The following ANXA10 variants were observed in gnomAD, a reference collection of about 807,000 sequenced individuals.
The protein encoded by ANXA10 is annexin 14.
A neutral mutation model predicts 53.5 loss-of-function variants in ANXA10; 49 were observed. The ratio of observed to expected loss-of-function variants is 0.92; its 90% CI spans 0.73 to 1.16. The LOEUF is 1.16. ANXA10 is among the 50% of genes most tolerant of loss of function. The pLI is 0.00. For synonymous variants in ANXA10, 131 were observed against 128.9 expected, an observed-to-expected ratio of 1.02 and a Z score of -0.11; for missense variants, 393 against 394.4, an observed-to-expected ratio of 1.00 and a Z score of 0.03.
chr4:168,172,599 T>C (rs1732034814), intron 6 of ANXA10, among the ~76,000 whole-genome samples: 1 of 152,182 alleles, frequency 6.6e-6, no homozygotes, highest in African/African-American at 2.4e-5. Context: ...ATTATTGGTG[T>C]ACAGAAGAGA....
chr4:168,139,120 G>C (rs954501417), intron 2 of ANXA10, among the ~76,000 whole-genome samples: 1 of 152,078 alleles, frequency 6.6e-6, no homozygotes, highest in Non-Finnish European at 1.5e-5. Context: ...TCCAGCTAGG[G>C]CTCCTAGTAC....
At chr4:168,109,163 TCTG>T (rs1006391284) in intron 1 of ANXA10, among the ~76,000 whole-genome samples, 1 of 152,208 alleles carries the variant, frequency 6.6e-6, no homozygotes, top group Admixed American at 6.5e-5. Flanking sequence ...ACATTTTTTT[TCTG>T]CTATGTACCC....
Position 168,119,353 on chromosome 4 carries a change from C to A in ANXA10, c.19-8731C>A, listed in dbSNP as rs117668995. ...GGCTGTGATAGGAAACTAGGAATTACCAAAATGATTGCAGATGTCCTTGAC... is the reference window on the plus strand; with the variant it reads ...GGCTGTGATAGGAAACTAGGAATTAACAAAATGATTGCAGATGTCCTTGAC... On this transcript the variant is annotated intron_variant, in intron 1 of 11. Coordinates refer to ENST00000359299, the MANE Select transcript of ANXA10 (RefSeq NM_007193.5). 1.3e-3 allele frequency among the ~76,000 whole-genome samples: 200 copies of A among 152,252 alleles called. 6 individuals are homozygous for A. In the East Asian group the frequency reaches 0.029, roughly 22 times the overall value.
intron 3 of ANXA10, among the ~76,000 whole-genome samples, chr4:168,156,262 GTATA>G (rs1436628202): frequency 6.3e-5 from 1 of 15,984 alleles, no homozygotes; most frequent in Non-Finnish European, 1.2e-4. Context: ...TATATATAAT[GTATA>G]TATTATATAT....
At chr4:168,115,675 T>C (rs1440333383) in intron 1 of ANXA10, among the ~76,000 whole-genome samples, 1 of 152,228 alleles carries the variant, frequency 6.6e-6, no homozygotes, top group East Asian at 1.9e-4. Flanking sequence ...GTATATGTTA[T>C]TTTATTTTAC....
intron 1 of ANXA10, among the ~76,000 whole-genome samples, chr4:168,124,178 G>A (rs1174340753): frequency 6.6e-6 from 1 of 152,230 alleles, no homozygotes; most frequent in Admixed American, 6.5e-5. Flanking sequence ...GGAGTGGACA[G>A]TCCTACTAAA....
intron 1 of ANXA10, among the ~76,000 whole-genome samples, chr4:168,102,618 T>C (rs969810062): frequency 2.0e-5 from 3 of 152,144 alleles, no homozygotes; most frequent in African/African-American, 4.8e-5. Context: ...TGTATGGATG[T>C]ACCACAATTT....
At chr4:168,185,021 GCACA>G (rs1320347010) in intron 11 of ANXA10, among the ~76,000 whole-genome samples, 1 of 152,142 alleles carries the variant, frequency 6.6e-6, no homozygotes, top group East Asian at 1.9e-4. Context: ...AGGTGTGGTG[GCACA>G]CGCCTGTAGT....
chr4:168,104,643 A>G (rs1730690522), intron 1 of ANXA10, among the ~76,000 whole-genome samples: 1 of 151,940 alleles, frequency 6.6e-6, no homozygotes, highest in Non-Finnish European at 1.5e-5. Context: ...AGAAATTTAA[A>G]TTGAATATAT....
intron 2 of ANXA10, among the ~76,000 whole-genome samples, chr4:168,131,492 T>C (rs1225019598): frequency 1.3e-5 from 2 of 152,042 alleles, no homozygotes; most frequent in African/African-American, 4.8e-5. Flanking sequence ...TCCAGTTGAT[T>C]GATGGTGCTG....
In ANXA10 at chr4:168,155,432, T is replaced by C. The variant is rs1317164780; in HGVS notation, c.196-7096T>C. 6.0e-5 allele frequency among the ~76,000 whole-genome samples: 4 copies of C among 67,210 alleles called. 1 individual carries two copies. The highest frequency in any genetic ancestry group is 2.0e-4 in the African/African-American group (3 of 14,722). The allele number at this position is 67,210 out of a possible 152,430, so 44.1% of individuals were successfully genotyped here. A position where few individuals can be genotyped will look rare whatever the true frequency, so the allele number is the denominator to read the frequency against. On this transcript the variant is annotated intron_variant, in intron 3 of 11. Coordinates refer to ENST00000359299, the MANE Select transcript of ANXA10 (RefSeq NM_007193.5). ...TATTATACATTATATTATATATAAT[T>C]ATATATAATTATGAATTATATATTT...
At chr4:168,182,508 T>C (rs1454135921) in intron 10 of ANXA10, among the ~76,000 whole-genome samples, 2 of 149,660 alleles carry the variant, frequency 1.3e-5, no homozygotes, top group African/African-American at 4.9e-5. Flanking sequence ...TTTTGTTTTG[T>C]GTTTTTAGTA....
intron 8 of ANXA10, chr4:168,178,435 C>T (rs1411762275): frequency 6.5e-6 from 1 of 153,346 alleles, no homozygotes; most frequent in African/African-American, 2.4e-5. Flanking sequence ...GTTTGACATT[C>T]CCTAAACTAC....
rs537739311 is a variant in ANXA10 at position 168,184,799 on chromosome 4, G to A, written c.906+118G>A. ...TCTAAAAAGTTAACTATTCAGACAG[G>A]GATAACCTAGTTTTTTTCCTCTACA... On this transcript the variant is annotated intron_variant, in intron 11 of 11. Transcript: ENST00000359299. 858 of 1,347,900 alleles carry A rather than the reference G, an allele frequency of 6.4e-4. 3 individuals are homozygous for A. The highest frequency in any genetic ancestry group is 7.2e-4 in the Non-Finnish European group (711 of 985,686). 83.5% of individuals were successfully genotyped at this position (1,347,900 alleles called of 1,614,324 possible). A position where few individuals can be genotyped will look rare whatever the true frequency, so the allele number is the denominator to read the frequency against.
chr4:168,117,083 A>G (rs190321052), intron 1 of ANXA10, among the ~76,000 whole-genome samples: 99 of 152,088 alleles, frequency 6.5e-4, no homozygotes, highest in Admixed American at 1.8e-3. Flanking sequence ...TAAACATCAA[A>G]TCCATCATAA....
chr4:168,109,254 T>C (rs1730764053), intron 1 of ANXA10, among the ~76,000 whole-genome samples: 1 of 152,252 alleles, frequency 6.6e-6, no homozygotes, highest in African/African-American at 2.4e-5. Flanking sequence ...AACCCATAAC[T>C]GATTTCTGTT....
chr4:168,160,421 A>C (rs1362845690), intron 3 of ANXA10, among the ~76,000 whole-genome samples: 1 of 152,148 alleles, frequency 6.6e-6, no homozygotes, highest in Non-Finnish European at 1.5e-5. Context: ...ATAGTATTCC[A>C]TGGCATATAT....
At chr4:168,180,545 T>G (rs1228974250) in intron 9 of ANXA10, among the ~76,000 whole-genome samples, 10 of 152,206 alleles carry the variant, frequency 6.6e-5, no homozygotes, top group African/African-American at 2.4e-4. Flanking sequence ...AGACACTGAC[T>G]TAGGCACTGC....
At chr4:168,140,600 T>C (rs979620996) in intron 3 of ANXA10, among the ~76,000 whole-genome samples, 2 of 151,646 alleles carry the variant, frequency 1.3e-5, no homozygotes, top group Non-Finnish European at 2.9e-5. Flanking sequence ...TTAATATGCA[T>C]AGTGCTATAA....
Sources: gnomAD v4.1 joint callset for allele counts (sites outside exome capture counted in the v4.1 genomes callset) on GRCh38, gnomAD v4.1.1 for gene constraint, MANE v1.5 for transcripts, NCBI Gene and HGNC (gene_info 2026-07-23, HGNC 2026-07-21) for gene names.